The following DCAF1 variants were observed in gnomAD, a reference collection of about 807,000 sequenced individuals.
DCAF1 encodes DDB1- and CUL4-associated factor 1.
Under a neutral mutation model 128.0 loss-of-function variants are expected in DCAF1, and 15 were observed. The observed-to-expected ratio is 0.12, with a 90% CI of 0.08 to 0.18. The LOEUF (loss-of-function observed/expected upper bound fraction) is 0.18. Ranked by LOEUF, DCAF1 falls within the 10% of genes least tolerant of loss-of-function variation. The pLI, the probability that DCAF1 is intolerant of heterozygous loss-of-function variation, is 1.00. For missense variants in DCAF1, 988 were observed against 1,649.5 expected (o/e 0.60, Z 6.95); for synonymous variants, 610 against 603.0 (o/e 1.01, Z -0.17).
chr3:51,438,343 T>C (rs1701045228), intron 9 of DCAF1, among the ~76,000 whole-genome samples: 2 of 152,168 alleles, frequency 1.3e-5, no homozygotes, highest in Non-Finnish European at 2.9e-5. Context: ...CAAAATTATA[T>C]GCAAAGATGT....
intron 10 of DCAF1, among the ~76,000 whole-genome samples, chr3:51,432,648 G>C (rs1335077725): frequency 6.6e-6 from 1 of 151,940 alleles, no homozygotes; most frequent in Non-Finnish European, 1.5e-5. Flanking sequence ...TAGTAGAGAC[G>C]GGGTTACACC....
intron 7 of DCAF1, among the ~76,000 whole-genome samples, chr3:51,442,783 A>G (rs1378088360): frequency 1.3e-5 from 2 of 152,180 alleles, no homozygotes; most frequent in African/African-American, 4.8e-5. Flanking sequence ...GGATAGATAA[A>G]AGGAAGGGCA....
chr3:51,460,762 C>G (rs1703463272), intron 6 of DCAF1, among the ~76,000 whole-genome samples: 1 of 152,090 alleles, frequency 6.6e-6, no homozygotes, highest in Non-Finnish European at 1.5e-5. Context: ...TGCCGCATAT[C>G]TACAACTATC....
Position 51,408,440 on chromosome 3 carries a change from T to C in DCAF1, c.4212+3939A>G, listed in dbSNP as rs150219107. Among the ~76,000 whole-genome samples the C allele has an allele frequency of 3.2e-3, 480 of 152,294 alleles. 3 individuals carry two copies. Among genetic ancestry groups the C allele is most frequent in the Non-Finnish European group, 2.9e-3 (199 of 68,022 alleles). ...ATCTGAGAAGACCTGAGAACAGATA[T>C]CTAGACTAGGACAAAACTTTGAATA... On this transcript the variant is annotated intron_variant, in intron 23 of 24. Transcript: ENST00000684031.
At chr3:51,414,072 T>C in intron 19 of DCAF1, 29 bp from the exon 20 acceptor site, 5 of 1,558,028 alleles carry the variant, frequency 3.2e-6, no homozygotes, top group African/African-American at 1.4e-5. Context: ...AGGAAAACTA[T>C]TTTACACAAA....
intron 11 of DCAF1, 142 bp from the exon 12 acceptor site, chr3:51,429,612 G>C: frequency 1.6e-6 from 1 of 623,394 alleles, no homozygotes; most frequent in South Asian, 2.0e-5. Context: ...AAACTTTTAT[G>C]CTTAACAAGA....
intron 5 of DCAF1, among the ~76,000 whole-genome samples, chr3:51,465,658 T>C (rs1704053490): frequency 1.3e-5 from 2 of 151,810 alleles, no homozygotes; most frequent in South Asian, 4.2e-4. Flanking sequence ...GTCAGGAGAA[T>C]CACTTGAACC....
chr3:51,485,962 G>A (rs1706902500), intron 2 of DCAF1, among the ~76,000 whole-genome samples: 1 of 150,638 alleles, frequency 6.6e-6, no homozygotes, highest in Non-Finnish European at 1.5e-5. Context: ...CGCCATCTCG[G>A]CTCACTGTAA....
intron 2 of DCAF1, among the ~76,000 whole-genome samples, chr3:51,485,475 A>T (rs186235134): frequency 9.5e-4 from 144 of 152,352 alleles, no homozygotes; most frequent in Non-Finnish European, 1.1e-3. Context: ...GAGGCTTATA[A>T]GGGGATCCAA....
chr3:51,474,527 A>C (rs1214314015), intron 3 of DCAF1, among the ~76,000 whole-genome samples: 1 of 151,928 alleles, frequency 6.6e-6, no homozygotes, highest in African/African-American at 2.4e-5. Context: ...CTTTCCCTCT[A>C]AACTCTGAAA....
intron 3 of DCAF1, among the ~76,000 whole-genome samples, chr3:51,481,176 A>C (rs571304458): frequency 6.6e-6 from 1 of 152,182 alleles, no homozygotes; most frequent in African/African-American, 2.4e-5. Flanking sequence ...AAAGTAAGCC[A>C]CATCATAAAT....
At chr3:51,427,576 A>G (rs1577110644) in intron 12 of DCAF1, 35 bp from the exon 13 acceptor site, 1 of 547,356 alleles carries the variant, frequency 1.8e-6, no homozygotes, top group East Asian at 3.2e-5. Flanking sequence ...ATTATTATAT[A>G]TAACTCTACA....
intron 10 of DCAF1, 78 bp downstream of exon 10, chr3:51,433,028 T>A (rs1355683827): frequency 1.8e-5 from 7 of 397,778 alleles, no homozygotes; most frequent in Non-Finnish European, 2.7e-5. Flanking sequence ...TATCCAAAAG[T>A]CATTCTGCGA....
intron 18 of DCAF1, 106 bp from the exon 19 acceptor site, chr3:51,414,963 C>A: frequency 6.9e-7 from 1 of 1,440,712 alleles, no homozygotes. Flanking sequence ...CACAAATTCT[C>A]CACATGGATC....
intron 2 of DCAF1, among the ~76,000 whole-genome samples, chr3:51,492,084 G>A (rs1457933014): frequency 2.0e-5 from 3 of 150,974 alleles, no homozygotes; most frequent in Admixed American, 1.3e-4. Context: ...TTGAACCTGC[G>A]GGAGGCGGAA....
chr3:51,495,304 A>C (rs1245639259), intron 2 of DCAF1, among the ~76,000 whole-genome samples: 1 of 151,918 alleles, frequency 6.6e-6, no homozygotes, highest in Non-Finnish European at 1.5e-5. Context: ...AGCCTGGGCG[A>C]CAAGAGCAAA....
intron 2 of DCAF1, among the ~76,000 whole-genome samples, chr3:51,492,285 A>G (rs1553658434): frequency 6.6e-6 from 1 of 151,984 alleles, no homozygotes; most frequent in Non-Finnish European, 1.5e-5. Flanking sequence ...CCAATACTTT[A>G]GGCAGATCAT....
At chr3:51,433,780 T>G (rs1700582013) in intron 9 of DCAF1, among the ~76,000 whole-genome samples, 1 of 147,504 alleles carries the variant, frequency 6.8e-6, no homozygotes, top group Non-Finnish European at 1.5e-5. Context: ...TTTATGAAGG[T>G]GAAAGATATT....
At chr3:51,457,552 A>ATACAC (rs1703059781) in intron 6 of DCAF1, among the ~76,000 whole-genome samples, 1 of 152,206 alleles carries the variant, frequency 6.6e-6, no homozygotes, top group Non-Finnish European at 1.5e-5. Context: ...AAATTAAGGA[A>ATACAC]ATACACAGAA....
Sources: gnomAD v4.1 joint callset for allele counts (sites outside exome capture counted in the v4.1 genomes callset) on GRCh38, gnomAD v4.1.1 for gene constraint, MANE v1.5 for transcripts, NCBI Gene and HGNC (gene_info 2026-07-23, HGNC 2026-07-21) for gene names.